Variants in TRAPPC12 observed in about 807,000 individuals in gnomAD.
TRAPPC12 encodes trafficking protein particle complex subunit 12.
TRAPPC12 carries 61 observed loss-of-function variants against 69.2 expected under a neutral mutation model. That is an observed-to-expected ratio of 0.88 (90% CI 0.72 to 1.09). The LOEUF (loss-of-function observed/expected upper bound fraction) is 1.09. TRAPPC12 is among the 50% of genes least tolerant of loss of function. The pLI is 0.00. For missense variants in TRAPPC12, 1,101 were observed against 1,016.4 expected (o/e 1.08, Z -1.13); for synonymous variants, 469 against 438.9 (o/e 1.07, Z -0.86).
chr2:3,436,221 G>A (rs888682946), intron 5 of TRAPPC12, among the ~76,000 whole-genome samples: 2 of 152,102 alleles, frequency 1.3e-5, no homozygotes, highest in African/African-American at 2.4e-5. Context: ...ATATTTAATA[G>A]TATTTCTGAG....
At chr2:3,473,778 GT>G (rs1209640693) in intron 9 of TRAPPC12, among the ~76,000 whole-genome samples, 3 of 152,208 alleles carry the variant, frequency 2.0e-5, no homozygotes, top group African/African-American at 7.2e-5. Flanking sequence ...GCTGAAATGA[GT>G]TTTCTGTATC....
chr2:3,389,915 T>A, intron 2 of TRAPPC12: 1 of 412,896 alleles, frequency 2.4e-6, no homozygotes, highest in Non-Finnish European at 4.9e-6. Context: ...GGGCTCAGAA[T>A]GGAGGGGTGC....
At chr2:3,421,057 A>G (rs531369521) in intron 3 of TRAPPC12, among the ~76,000 whole-genome samples, 1 of 152,340 alleles carries the variant, frequency 6.6e-6, no homozygotes, top group South Asian at 2.1e-4. Flanking sequence ...TACTTAAAGC[A>G]TGTTTATTGA....
chr2:3,408,771 A>G (rs779256951), intron 3 of TRAPPC12, among the ~76,000 whole-genome samples: 4 of 152,214 alleles, frequency 2.6e-5, no homozygotes, highest in Non-Finnish European at 4.4e-5. Context: ...TTGCTGCTGT[A>G]TTACTTATGT....
Position 3,387,945 on chromosome 2 carries a change from C to G in TRAPPC12, c.322C>G (p.Pro108Ala). The part of the protein sequence containing the change: ...GDPGPEPAGT[P>A]SPSGEADGDC... ...CCCAGGCCCGGAGCCCGCGGGCACC[C>G]CGAGTCCCAGCGGCGAGGCCGACGG... Residue 108 changes from proline to alanine, a missense_variant, in exon 2 of 12, where the codon CCG becomes GCG. Pro to Ala is a conservative substitution (Grantham distance 27). Coordinates refer to ENST00000324266, the MANE Select transcript of TRAPPC12 (RefSeq NM_016030.6). 1.3e-6 allele frequency: 2 copies of G among 1,497,558 alleles called. No individual in the cohort carries two copies. Among genetic ancestry groups the G allele is most frequent in the East Asian group, 2.6e-5 (1 of 38,286 alleles). The allele number at this position is 1,497,558 out of a possible 1,614,324, so 92.8% of individuals were successfully genotyped here.
chr2:3,457,264 A>T, intron 6 of TRAPPC12: 1 of 439,686 alleles, frequency 2.3e-6, no homozygotes, highest in South Asian at 1.8e-5. Context: ...TCACATGGAC[A>T]AAAAATAGAC....
Position 3,388,090 on chromosome 2 carries a change from C to A in TRAPPC12, c.467C>A (p.Pro156Gln). ...RPEQEPPVAE[P>Q]VPVCTIFSQR... is the part of the protein sequence containing the mutation. ...GAGCAGGAGCCTCCCGTTGCGGAGC[C>A]GGTCCCGGTGTGCACCATCTTCAGC... Residue 156 changes from proline to glutamine, a missense_variant, in exon 2 of 12, where the codon CCG (proline) becomes CAG (glutamine). By Grantham distance (76) the Pro-to-Gln change is moderately conservative (BLOSUM62 -1). Coordinates refer to ENST00000324266, the MANE Select transcript of TRAPPC12 (RefSeq NM_016030.6). 1 of 1,544,514 alleles carries A rather than the reference C, an allele frequency of 6.5e-7. No homozygotes were observed. The highest frequency in any genetic ancestry group is 1.2e-5 in the South Asian group (1 of 84,864).
chr2:3,463,053 A>G (rs1665596253), intron 8 of TRAPPC12: 1 of 440,594 alleles, frequency 2.3e-6, no homozygotes, highest in African/African-American at 2.0e-5. Context: ...ATTGAGCTAA[A>G]ATAGACTTGT....
chr2:3,430,259 G>A (rs990922237), intron 5 of TRAPPC12, among the ~76,000 whole-genome samples: 2 of 152,186 alleles, frequency 1.3e-5, no homozygotes, highest in Non-Finnish European at 2.9e-5. Context: ...TACATGTTCA[G>A]GCGTTTCTCT....
intron 8 of TRAPPC12, among the ~76,000 whole-genome samples, chr2:3,465,376 T>TG (rs1665753541): frequency 6.6e-6 from 1 of 152,064 alleles, no homozygotes; most frequent in Non-Finnish European, 1.5e-5. Context: ...ACCCCGCCGT[T>TG]GCGATGCGCA....
chr2:3,412,112 C>T (rs1023731809), intron 3 of TRAPPC12, among the ~76,000 whole-genome samples: 1 of 152,100 alleles, frequency 6.6e-6, no homozygotes, highest in African/African-American at 2.4e-5. Flanking sequence ...ACTGTCTGTT[C>T]CACAATTTTT....
At position 3,379,745 on chromosome 2, in the gene TRAPPC12, G is replaced by C. The variant is rs1157361799; in HGVS notation, c.-136G>C. On this transcript the variant is annotated 5_prime_UTR_variant, in exon 1 of 12. Coordinates refer to ENST00000324266, the MANE Select transcript of TRAPPC12 (RefSeq NM_016030.6). ...GCAGAACTAGGCGCGCCGCGGCCCG[G>C]CACGCGCAGGCGTACAGAGCTCCCC... 6.6e-6 allele frequency: 1 copy of C among 151,452 alleles called. No homozygotes were observed. The highest frequency in any genetic ancestry group is 6.6e-5 in the Admixed American group (1 of 15,222). The allele number at this position is 151,452 out of a possible 1,614,324, so 9.4% of individuals were successfully genotyped here.
At position 3,380,510 on chromosome 2, in the gene TRAPPC12, G is replaced by T. The variant is rs866664735; in HGVS notation, c.-5+634G>T. On this transcript the variant is annotated intron_variant, in intron 1 of 11. Transcript: ENST00000324266. ...TTTTCACTCTTCACTACGAAACAGT[G>T]TAGCCCCAAGGAAAAATTTTCTTGG... Among the ~76,000 whole-genome samples the T allele has an allele frequency of 1.6e-4, 24 of 152,324 alleles. No homozygotes were observed. The Middle Eastern group carries it at 0.01, about 65-fold the overall frequency.
At chr2:3,400,464 C>G (rs1291782226) in intron 2 of TRAPPC12, among the ~76,000 whole-genome samples, 1 of 152,154 alleles carries the variant, frequency 6.6e-6, no homozygotes, top group Non-Finnish European at 1.5e-5. Context: ...GCTCTATCCC[C>G]CCAGCTGCCC....
In TRAPPC12 at chr2:3,387,679, C is replaced by G. The variant is rs755957990; in HGVS notation, c.56C>G (p.Pro19Arg). The change falls in exon 2 of 12, where the codon CCT (proline) becomes CGT (arginine). Residue 19 changes from proline to arginine, a missense_variant. Coordinates refer to ENST00000324266, the MANE Select transcript of TRAPPC12 (RefSeq NM_016030.6). ...CCGGCCCCGGAGGCCCCGCACCCCC[C>G]TCAGCTCGCGCCTCCGGAGGAGCAG... ...ETPAPEAPHP[P>R]QLAPPEEQGL... 22 of 1,558,982 alleles carry G rather than the reference C, an allele frequency of 1.4e-5. No homozygotes were observed. In the African/African-American group the frequency reaches 2.3e-4, roughly 16 times the overall value.
At chr2:3,396,875 G>C (rs1312778451) in intron 2 of TRAPPC12, among the ~76,000 whole-genome samples, 2 of 152,144 alleles carry the variant, frequency 1.3e-5, no homozygotes, top group African/African-American at 4.8e-5. Flanking sequence ...CTTCTGAGCT[G>C]GGTGTGGTGG....
At position 3,475,867 on chromosome 2, in the gene TRAPPC12, G is replaced by A. The variant is rs545910806; in HGVS notation, c.1777-1828G>A. Among the ~76,000 whole-genome samples the A allele has an allele frequency of 4.6e-5, 7 of 152,338 alleles. No homozygotes were observed. The East Asian group carries it at 1.4e-3, about 29-fold the overall frequency. On this transcript the variant is annotated intron_variant, in intron 9 of 11. Coordinates refer to ENST00000324266, the MANE Select transcript of TRAPPC12 (RefSeq NM_016030.6). ...TCCCAGGCTGTCGCGAGGGTCAGGC[G>A]AGCTGTGCTTGTAAGCGCTTGCCAC...
intron 8 of TRAPPC12, among the ~76,000 whole-genome samples, chr2:3,463,962 T>A (rs1228704454): frequency 1.3e-5 from 2 of 152,086 alleles, no homozygotes; most frequent in Non-Finnish European, 2.9e-5. Context: ...CAGCCTCTGT[T>A]GGAAAGCAGG....
chr2:3,451,863 C>A (rs1421258728), intron 6 of TRAPPC12, among the ~76,000 whole-genome samples: 1 of 152,186 alleles, frequency 6.6e-6, no homozygotes, highest in Non-Finnish European at 1.5e-5. Flanking sequence ...AACCCTCCAA[C>A]ATGTTTCAGT....
Sources: gnomAD v4.1 joint callset for allele counts (sites outside exome capture counted in the v4.1 genomes callset) on GRCh38, gnomAD v4.1.1 for gene constraint, MANE v1.5 for transcripts, NCBI Gene and HGNC (gene_info 2026-07-23, HGNC 2026-07-21) for gene names.